ABCD3: variants seen among roughly 807,000 people sequenced by gnomAD.
ABCD3 encodes ATP-binding cassette sub-family D member 3.
A neutral mutation model predicts 105.5 loss-of-function variants in ABCD3; 41 were observed. The observed-to-expected ratio is 0.39, with a 90% CI of 0.30 to 0.50. ABCD3 has a LOEUF of 0.50. Among genes scored for constraint, ABCD3 ranks in the 20% least tolerant of loss-of-function variants. ABCD3 has a pLI of 0.84. For missense variants in ABCD3, 622 were observed against 806.3 expected (o/e 0.77, Z 2.77); for synonymous variants, 258 against 269.0 (o/e 0.96, Z 0.40).
At chr1:94,418,827 T>G in intron 1 of ABCD3, 18 of 533,318 alleles carry the variant, frequency 3.4e-5, no homozygotes, top group East Asian at 3.4e-5. Context: ...AATTCTTCTG[T>G]GCCCGCGGGC....
the ABCD3 span, among the ~76,000 whole-genome samples, chr1:94,391,995 T>G: frequency 6.6e-6 from 1 of 152,142 alleles, no homozygotes; most frequent in Non-Finnish European, 1.5e-5. Context: ...GGGAGTGGCC[T>G]TTGGTCCTTT....
intron 10 of ABCD3, among the ~76,000 whole-genome samples, chr1:94,485,471 A>G (rs1649236924): frequency 6.6e-6 from 1 of 152,164 alleles, no homozygotes; most frequent in Non-Finnish European, 1.5e-5. Context: ...ACATGGCAGA[A>G]CTTTTAGAGT....
At chr1:94,509,826 G>A (rs1043098057) in intron 21 of ABCD3, among the ~76,000 whole-genome samples, 4 of 152,098 alleles carry the variant, frequency 2.6e-5, no homozygotes, top group African/African-American at 7.2e-5. Context: ...TGTGGGATCG[G>A]TGGTGATAAT....
At chr1:94,478,846 A>G in intron 8 of ABCD3, 1 of 287,180 alleles carries the variant, frequency 3.5e-6, no homozygotes, top group Non-Finnish European at 5.9e-6. Context: ...TTCCAAGAAT[A>G]TTTTATAATG....
intron 1 of ABCD3, among the ~76,000 whole-genome samples, chr1:94,457,456 A>G (rs549906209): frequency 1.3e-5 from 2 of 152,160 alleles, no homozygotes; most frequent in Non-Finnish European, 2.9e-5. Context: ...GATGTTGAAC[A>G]TAGAGGGTTG....
At chr1:94,486,580 CA>C (rs1649290000) in intron 10 of ABCD3, among the ~76,000 whole-genome samples, 2 of 152,142 alleles carry the variant, frequency 1.3e-5, no homozygotes, top group Admixed American at 1.3e-4. Context: ...AATAAATAAA[CA>C]ACTAGATGTT....
chr1:94,450,821 T>A (rs980679158), intron 1 of ABCD3, among the ~76,000 whole-genome samples: 1 of 152,230 alleles, frequency 6.6e-6, no homozygotes, highest in Non-Finnish European at 1.5e-5. Flanking sequence ...TTAGAAGTTA[T>A]TCTCTTTTTT....
chr1:94,498,677 G>A lies in ABCD3; in HGVS notation c.1462G>A (p.Glu488Lys). 1 of 1,613,158 alleles carries A rather than the reference G, an allele frequency of 6.2e-7. No individual in the cohort carries two copies. The highest frequency in any genetic ancestry group is 8.5e-7 in the Non-Finnish European group (1 of 1,179,880). Residue 488 changes from glutamate to lysine, a missense_variant and splice_region_variant, in exon 17 of 23, where the codon GAA (glutamate) becomes AAA (lysine). Physicochemically the swap from Glu to Lys is moderately conservative, Grantham distance 56. Coordinates refer to ENST00000370214, the MANE Select transcript of ABCD3 (RefSeq NM_002858.4). ...GAGTTCACTTTTCCGTGTTCTTGGT[G>A]AAGTAAGTACAAGTTGGCCTCAAAA... ...GKSSLFRVLG[E>K]LWPLFGGRLT...
chr1:94,395,859 G>GAC, the ABCD3 span, among the ~76,000 whole-genome samples: 1 of 151,554 alleles, frequency 6.6e-6, no homozygotes, highest in African/African-American at 2.4e-5. Context: ...GAGAGACAAA[G>GAC]AGACACACAG....
At chr1:94,434,544 A>G (rs1659824636) in intron 1 of ABCD3, among the ~76,000 whole-genome samples, 1 of 152,174 alleles carries the variant, frequency 6.6e-6, no homozygotes, top group Non-Finnish European at 1.5e-5. Context: ...GTATGATGTC[A>G]GCTACAGAGT....
At chr1:94,464,052 G>C (rs529976219) in intron 2 of ABCD3, among the ~76,000 whole-genome samples, 2 of 152,158 alleles carry the variant, frequency 1.3e-5, no homozygotes, top group South Asian at 4.2e-4. Flanking sequence ...TAAATGTCAA[G>C]AGACTTTTCA....
intron 20 of ABCD3, among the ~76,000 whole-genome samples, chr1:94,503,328 G>T (rs1174339104): frequency 6.6e-6 from 1 of 152,142 alleles, no homozygotes; most frequent in Admixed American, 6.5e-5. Context: ...TTGGTGGAAT[G>T]CCCTCAGATA....
chr1:94,496,812 G>T (rs1199534597), intron 16 of ABCD3, among the ~76,000 whole-genome samples: 1 of 142,522 alleles, frequency 7.0e-6, no homozygotes, highest in East Asian at 2.1e-4. Flanking sequence ...CTGTCGCCCA[G>T]GTTGGAGTGC....
chr1:94,483,270 T>C (rs768404729), intron 10 of ABCD3, 31 bp downstream of exon 10: 1 of 1,567,220 alleles, frequency 6.4e-7, no homozygotes, highest in Non-Finnish European at 8.8e-7. Flanking sequence ...TTCATGTGTT[T>C]ATGGAAAGGG....
chr1:94,495,759 C>T (rs897065981), intron 16 of ABCD3, among the ~76,000 whole-genome samples: 2 of 152,270 alleles, frequency 1.3e-5, no homozygotes, highest in Admixed American at 6.5e-5. Flanking sequence ...AATTTATATA[C>T]GGCCAACATT....
chr1:94,411,317 G>T, the ABCD3 span, among the ~76,000 whole-genome samples: 8 of 152,028 alleles, frequency 5.3e-5, no homozygotes, highest in Non-Finnish European at 1.2e-4. Context: ...AAGGGCAAAA[G>T]AATTGAATAG....
At chr1:94,454,047 T>C (rs574399683) in intron 1 of ABCD3, among the ~76,000 whole-genome samples, 2 of 152,022 alleles carry the variant, frequency 1.3e-5, no homozygotes, top group Admixed American at 6.6e-5. Flanking sequence ...TATATATGTA[T>C]GGGCATGCAT....
chr1:94,473,758 G>T lies in ABCD3; in HGVS notation c.336-8G>T. The T allele has an allele frequency of 1.2e-6, 2 of 1,610,758 alleles. No homozygotes were observed. The highest frequency in any genetic ancestry group is 8.5e-7 in the Non-Finnish European group (1 of 1,177,528). ...TGCAACTAATGCATTGCATGTGGTG[G>T]TTTGCAGTGGTATCATTGGTCGTAG... is the stretch of plus-strand genomic sequence containing the variant. On this transcript the variant is annotated splice_polypyrimidine_tract_variant and splice_region_variant and intron_variant, in intron 4 of 22. Transcript: ENST00000370214.
At chr1:94,391,282 T>A in the ABCD3 span, among the ~76,000 whole-genome samples, 3 of 152,206 alleles carry the variant, frequency 2.0e-5, no homozygotes, top group African/African-American at 7.2e-5. Flanking sequence ...AAGTGATTGC[T>A]GGTTTTGGCC....
Sources: gnomAD v4.1 joint callset for allele counts (sites outside exome capture counted in the v4.1 genomes callset) on GRCh38, gnomAD v4.1.1 for gene constraint, MANE v1.5 for transcripts, NCBI Gene and HGNC (gene_info 2026-07-23, HGNC 2026-07-21) for gene names.